Variants in ATRX observed in about 807,000 individuals in gnomAD.
ATRX encodes ATRX chromatin remodeler, also known as chromatin remodeler ATRX.
ATRX carries 12 observed loss-of-function variants against 172.6 expected under a neutral mutation model. That is an observed-to-expected ratio of 0.07 (90% CI 0.04 to 0.11). The LOEUF is 0.11. ATRX is among the 10% of genes least tolerant of loss of function. The probability of loss-of-function intolerance (pLI) is 1.00; values close to 1 mark genes in which losing one functional copy is unlikely to be tolerated. For missense variants in ATRX, 1,368 were observed against 1,767.4 expected (o/e 0.77, Z 4.05); for synonymous variants, 674 against 594.7 (o/e 1.13, Z -1.94).
intron 30 of ATRX, among the ~76,000 whole-genome samples, chrX:77,539,775 T>C (rs976299089): frequency 8.9e-6 from 1 of 111,838 alleles, no homozygotes; most frequent in Non-Finnish European, 1.9e-5. Flanking sequence ...CTGAGAGATT[T>C]TGTCACCACC....
chrX:77,533,827 C>T (rs2063663137), intron 30 of ATRX, among the ~76,000 whole-genome samples: 1 of 112,009 alleles, frequency 8.9e-6, no homozygotes, highest in East Asian at 2.8e-4. Context: ...GAAACATACT[C>T]TTATCTCTTA....
rs113470637 is a variant in ATRX at position 77,703,108 on chromosome X, C to T, written c.134-4479G>A. On this transcript the variant is annotated intron_variant, in intron 2 of 34. Transcript: ENST00000373344. ...ATTTAAAGTACACAATTCCTTCAGC[C>T]ACCAGGCCAAGCCATAAGATTTATC... 3.5e-3 allele frequency among the ~76,000 whole-genome samples: 391 copies of T among 112,891 alleles called. 4 individuals carry two copies. Among genetic ancestry groups the T allele is most frequent in the African/African-American group, 0.012 (369 of 31,166 alleles).
chrX:77,712,080 G>A (rs2073140898), intron 2 of ATRX, among the ~76,000 whole-genome samples: 1 of 111,708 alleles, frequency 9.0e-6, no homozygotes. Context: ...TCATGTTACA[G>A]CTGCTGTGGT....
At chrX:77,740,093 A>ACAAACAAAACTCACCAGGCAGCTATAAT (rs2074793946) in intron 1 of ATRX, among the ~76,000 whole-genome samples, 1 of 108,019 alleles carries the variant, frequency 9.3e-6, no homozygotes, top group Non-Finnish European at 1.9e-5. Context: ...AAAAAAAGAA[A>ACAAACAAAACTCACCAGGCAGCTATAAT]CAAACAAAAC....
chrX:77,617,045 T>C (rs1257036910), intron 21 of ATRX, among the ~76,000 whole-genome samples: 1 of 110,822 alleles, frequency 9.0e-6, no homozygotes, highest in Non-Finnish European at 1.9e-5. Context: ...GAAAAAAAAA[T>C]AACAAAAGGT....
chrX:77,509,911 C>CG (rs111286366), intron 34 of ATRX, among the ~76,000 whole-genome samples: 2,300 of 31,283 alleles, frequency 0.074, 172 homozygotes, highest in African/African-American at 0.27. Context: ...GGACGGGGGG[C>CG]GGGGGGGGGG....
chrX:77,632,498 T>TA (rs35362417), intron 19 of ATRX, among the ~76,000 whole-genome samples: 1 of 111,722 alleles, frequency 9.0e-6, no homozygotes, highest in African/African-American at 3.3e-5. Context: ...TCATTATCTT[T>TA]AAAAAAGAGG....
Position 77,528,113 on chromosome X carries a change from G to A in ATRX, c.6700-4712C>T, listed in dbSNP as rs1330599722. On this transcript the variant is annotated intron_variant, in intron 30 of 34. Coordinates refer to ENST00000373344, the MANE Select transcript of ATRX (RefSeq NM_000489.6). Reference sequence around the variant, plus strand: ...GTTGTTCCAGCCTCCCCGTTGTGGAGAGTGCAGACCACCCAGACAAGGAGC... The same window carrying A: ...GTTGTTCCAGCCTCCCCGTTGTGGAAAGTGCAGACCACCCAGACAAGGAGC... Among the ~76,000 whole-genome samples, 2 of 110,069 alleles carry A rather than the reference G, an allele frequency of 1.8e-5. 1 individual carries two copies. Among genetic ancestry groups the A allele is most frequent in the African/African-American group, 6.6e-5 (2 of 30,155 alleles).
At chrX:77,719,370 C>G (rs1374861751) in intron 1 of ATRX, among the ~76,000 whole-genome samples, 1 of 111,323 alleles carries the variant, frequency 9.0e-6, no homozygotes, top group Non-Finnish European at 1.9e-5. Context: ...TTAGTCATAT[C>G]AGGGAAATGC....
At chrX:77,685,100 T>C in intron 7 of ATRX, 94 bp from the exon 8 acceptor site, 1 of 689,981 alleles carries the variant, frequency 1.4e-6, no homozygotes, top group East Asian at 3.4e-5. Flanking sequence ...TTAAAAACAC[T>C]GGGGAAAATC....
rs1272596781 is a variant in ATRX at position 77,702,935 on chromosome X, C to T, written c.134-4306G>A. ...AGAGATGGGTTCTGGCTATGTTTCC[C>T]AGGCTGGTCTCAAATTCCTGTCCTC... is the stretch of plus-strand genomic sequence containing the variant. On this transcript the variant is annotated intron_variant, in intron 2 of 34. Coordinates refer to ENST00000373344, the MANE Select transcript of ATRX (RefSeq NM_000489.6). 5.4e-5 allele frequency among the ~76,000 whole-genome samples: 6 copies of T among 111,852 alleles called. No homozygotes were observed. The Admixed American group carries it at 5.7e-4, about 11-fold the overall frequency.
chrX:77,771,389 C>G (rs1379067677), intron 1 of ATRX, among the ~76,000 whole-genome samples: 3 of 108,510 alleles, frequency 2.8e-5, no homozygotes, highest in South Asian at 3.9e-4. Flanking sequence ...AAAAAAAAAG[C>G]CTTTCTCAAA....
intron 11 of ATRX, among the ~76,000 whole-genome samples, chrX:77,664,189 G>T (rs1336439422): frequency 9.0e-6 from 1 of 111,708 alleles, no homozygotes; most frequent in Non-Finnish European, 1.9e-5. Context: ...TTCAAGAGAA[G>T]TCATGGTAAT....
chrX:77,582,961 T>G (rs1179031158), intron 27 of ATRX, among the ~76,000 whole-genome samples: 1 of 111,729 alleles, frequency 9.0e-6, no homozygotes, highest in Non-Finnish European at 1.9e-5. Flanking sequence ...TTCTGAAAAG[T>G]AGAGAACAGA....
rs35199922 is a variant in ATRX at position 77,519,473 on chromosome X, G to A, written c.7200+1315C>T. ...TGAGAGGCTGGGCATGGTCACTCACGCCTGTAATCCCAACACTTTGGGAGG... is the reference window on the plus strand; with the variant it reads ...TGAGAGGCTGGGCATGGTCACTCACACCTGTAATCCCAACACTTTGGGAGG... On this transcript the variant is annotated intron_variant, in intron 34 of 34. Coordinates refer to ENST00000373344, the MANE Select transcript of ATRX (RefSeq NM_000489.6). Among the ~76,000 whole-genome samples, 356 of 111,149 alleles carry A rather than the reference G, an allele frequency of 3.2e-3. 6 individuals carry two copies. The South Asian group carries it at 0.048, about 15-fold the overall frequency.
chrX:77,551,240 A>G (rs2064496612), intron 30 of ATRX, among the ~76,000 whole-genome samples: 1 of 111,979 alleles, frequency 8.9e-6, no homozygotes, highest in Non-Finnish European at 1.9e-5. Context: ...AGTAACCAAA[A>G]CAGCATGGTA....
chrX:77,722,247 C>A (rs1363019413), intron 1 of ATRX, among the ~76,000 whole-genome samples: 2 of 110,966 alleles, frequency 1.8e-5, no homozygotes, highest in Non-Finnish European at 3.8e-5. Context: ...GGCAAACCAC[C>A]ATTCAGGACA....
chrX:77,654,053 ACTG>A, intron 14 of ATRX, 42 bp downstream of exon 14: 1 of 1,025,962 alleles, frequency 9.7e-7, no homozygotes. Flanking sequence ...ACCATAGTCT[ACTG>A]TACTGGTTAT....
chrX:77,669,504 A>C (rs1290629908), intron 10 of ATRX, among the ~76,000 whole-genome samples: 2 of 110,741 alleles, frequency 1.8e-5, no homozygotes, highest in Non-Finnish European at 3.8e-5. Context: ...TTGTAGTTTT[A>C]TTAGAAACAG....
Sources: allele counts gnomAD v4.1 joint callset (sites outside exome capture counted in the v4.1 genomes callset), GRCh38; gene constraint gnomAD v4.1.1; transcripts MANE v1.5; gene names NCBI Gene and HGNC (gene_info 2026-07-23, HGNC 2026-07-21).